Variants in FMN1 observed in about 807,000 individuals in gnomAD.
FMN1 encodes formin-1.
FMN1 carries 110 observed loss-of-function variants against 132.4 expected under a neutral mutation model. The ratio of observed to expected loss-of-function variants is 0.83; its 90% confidence interval spans 0.71 to 0.97. FMN1 has a LOEUF of 0.97. Among genes scored for constraint, FMN1 ranks in the 50% least tolerant of loss-of-function variants. The pLI, the probability that FMN1 is intolerant of heterozygous loss-of-function variation, is 0.00. For synonymous variants in FMN1, 722 were observed against 651.7 expected (o/e 1.11, Z -1.64); for missense variants, 1,792 against 1,705.3 (o/e 1.05, Z -0.90).
chr15:33,077,801 AAAAAAAAC>A (rs2038279887), intron 5 of FMN1, among the ~76,000 whole-genome samples: 1 of 151,756 alleles, frequency 6.6e-6, no homozygotes, highest in African/African-American at 2.4e-5. Context: ...TACAAAAAAA[AAAAAAAAC>A]ATCAAAAAGT....
chr15:33,073,968 T>G (rs1244607388), intron 5 of FMN1, among the ~76,000 whole-genome samples: 1 of 152,150 alleles, frequency 6.6e-6, no homozygotes, highest in Non-Finnish European at 1.5e-5. Context: ...TGGCTTCAAG[T>G]AATCTGCCCA....
chr15:32,811,926 A>G (rs1258800), intron 17 of FMN1, among the ~76,000 whole-genome samples: 106,318 of 152,016 alleles, frequency 0.7, 37,585 homozygotes, highest in Admixed American at 0.73. Context: ...TGGGATTACA[A>G]GCATGAGCCA....
intron 13 of FMN1, among the ~76,000 whole-genome samples, chr15:32,901,217 C>A (rs920799159): frequency 6.6e-6 from 1 of 152,146 alleles, no homozygotes; most frequent in African/African-American, 2.4e-5. Context: ...TCTTTTTCTG[C>A]TCCTGCCTTT....
chr15:33,130,534 C>T (rs895135912), intron 4 of FMN1, among the ~76,000 whole-genome samples: 1 of 151,880 alleles, frequency 6.6e-6, no homozygotes, highest in Non-Finnish European at 1.5e-5. Context: ...TATGTGCAAA[C>T]ATTAAAATTA....
At chr15:32,907,713 T>C (rs981126987) in intron 12 of FMN1, among the ~76,000 whole-genome samples, 1 of 149,990 alleles carries the variant, frequency 6.7e-6, no homozygotes, top group Non-Finnish European at 1.5e-5. Flanking sequence ...TGGCCTGAAC[T>C]GGACAAAAAA....
chr15:32,932,433 A>G (rs1321809175), intron 9 of FMN1, among the ~76,000 whole-genome samples: 1 of 152,160 alleles, frequency 6.6e-6, no homozygotes, highest in Non-Finnish European at 1.5e-5. Context: ...TTTAACATCT[A>G]TATTTGTAAG....
At chr15:33,192,407 G>A (rs1000294864) in intron 2 of FMN1, among the ~76,000 whole-genome samples, 1 of 152,156 alleles carries the variant, frequency 6.6e-6, no homozygotes, top group Non-Finnish European at 1.5e-5. Context: ...CCATTCCCTT[G>A]GCCAAAGCAT....
At chr15:32,937,792 A>C (rs2061313311) in intron 9 of FMN1, among the ~76,000 whole-genome samples, 1 of 152,262 alleles carries the variant, frequency 6.6e-6, no homozygotes, top group African/African-American at 2.4e-5. Flanking sequence ...AACTACAAGG[A>C]AAAGAATTAG....
chr15:33,092,682 G>A (rs910202308), intron 4 of FMN1, among the ~76,000 whole-genome samples: 6 of 152,116 alleles, frequency 3.9e-5, no homozygotes, highest in African/African-American at 1.4e-4. Flanking sequence ...AGGCCAGTAC[G>A]TAAAAACAAT....
chr15:33,127,734 T>A (rs905949806), intron 4 of FMN1, among the ~76,000 whole-genome samples: 1 of 152,196 alleles, frequency 6.6e-6, no homozygotes, highest in Non-Finnish European at 1.5e-5. Flanking sequence ...CAGGTTATAT[T>A]GTAATGATAG....
chr15:32,943,059 A>G (rs1403375505), intron 9 of FMN1, among the ~76,000 whole-genome samples: 1 of 152,194 alleles, frequency 6.6e-6, no homozygotes, highest in Non-Finnish European at 1.5e-5. Flanking sequence ...GCGCTGGTAC[A>G]GTGCTCAAGG....
chr15:32,775,058 G>A lies in FMN1; in HGVS notation c.4216-704C>T, dbSNP rs117307288. 2.0e-3 allele frequency among the ~76,000 whole-genome samples: 310 copies of A among 152,238 alleles called. 1 individual carries two copies. Among genetic ancestry groups the A allele is most frequent in the Non-Finnish European group, 2.7e-3 (184 of 68,008 alleles). Reference sequence around the variant, plus strand: ...ATGGTGTGCCTGCTCTGGGAGGAGGGTAAATAGAAGGCTAAAATGGAAAAG... The same window carrying A: ...ATGGTGTGCCTGCTCTGGGAGGAGGATAAATAGAAGGCTAAAATGGAAAAG... On this transcript the variant is annotated intron_variant, in intron 20 of 20. Transcript: ENST00000616417.
In FMN1 at chr15:33,039,779, C is replaced by A. The variant is rs78443453; in HGVS notation, c.2161+25178G>T. On this transcript the variant is annotated intron_variant, in intron 6 of 20. Transcript: ENST00000616417. ...CTCTGATTCCATTACCACTCGGTGT[C>A]ATGAATAATAAAGATTTTGAATGTA... is the stretch of plus-strand genomic sequence containing the variant. 3.8e-3 allele frequency among the ~76,000 whole-genome samples: 573 copies of A among 152,222 alleles called. 2 individuals carry two copies. The highest frequency in any genetic ancestry group is 6.5e-3 in the Non-Finnish European group (439 of 68,010).
chr15:32,820,248 G>T (rs1214716082), intron 17 of FMN1, among the ~76,000 whole-genome samples: 1 of 152,070 alleles, frequency 6.6e-6, no homozygotes, highest in African/African-American at 2.4e-5. Flanking sequence ...TATAAAAAGT[G>T]AACTGAGTAA....
At chr15:33,008,305 G>A (rs970718572) in intron 6 of FMN1, among the ~76,000 whole-genome samples, 3 of 152,160 alleles carry the variant, frequency 2.0e-5, no homozygotes, top group Non-Finnish European at 2.9e-5. Flanking sequence ...TTAAGCAGAT[G>A]GGATAGGGTT....
intron 12 of FMN1, among the ~76,000 whole-genome samples, chr15:32,906,383 C>A (rs892357041): frequency 3.7e-4 from 57 of 152,318 alleles, no homozygotes; most frequent in East Asian, 1.9e-4. Flanking sequence ...ATTCAAATTT[C>A]AGTGTTCATA....
intron 7 of FMN1, among the ~76,000 whole-genome samples, chr15:33,007,231 T>A (rs2034468242): frequency 6.6e-6 from 1 of 152,144 alleles, no homozygotes; most frequent in Non-Finnish European, 1.5e-5. Flanking sequence ...AAATGTCTGA[T>A]CCACAGATTG....
At chr15:32,979,379 C>A (rs987464892) in intron 7 of FMN1, among the ~76,000 whole-genome samples, 12 of 151,832 alleles carry the variant, frequency 7.9e-5, no homozygotes, top group Admixed American at 2.6e-4. Context: ...CATGGTGAAA[C>A]CCCGTCTCTA....
At chr15:33,059,479 C>T (rs776162090) in intron 6 of FMN1, among the ~76,000 whole-genome samples, 1 of 152,106 alleles carries the variant, frequency 6.6e-6, no homozygotes, top group Non-Finnish European at 1.5e-5. Context: ...ATATAATTTT[C>T]CATAATGGCC....
Sources: gnomAD v4.1 joint callset for allele counts (sites outside exome capture counted in the v4.1 genomes callset) on GRCh38, gnomAD v4.1.1 for gene constraint, MANE v1.5 for transcripts, NCBI Gene and HGNC (gene_info 2026-07-23, HGNC 2026-07-21) for gene names.